The following GRIN2A variants were observed in gnomAD, a reference collection of about 807,000 sequenced individuals.
GRIN2A encodes glutamate ionotropic receptor NMDA type subunit 2A.
In GRIN2A, 22 loss-of-function variants were observed where a neutral mutation model predicts 113.4. The observed-to-expected ratio is 0.19, with a 90% CI of 0.14 to 0.28. The LOEUF is 0.28. Ranked by LOEUF, GRIN2A falls within the 10% of genes least tolerant of loss-of-function variation. GRIN2A has a pLI of 1.00. For synonymous variants in GRIN2A, 827 were observed against 738.4 expected (o/e 1.12, Z -1.94); for missense variants, 1,502 against 1,887.0 (o/e 0.80, Z 3.78).
intron 2 of GRIN2A, among the ~76,000 whole-genome samples, chr16:10,069,721 C>A (rs1307916784): frequency 6.6e-6 from 1 of 152,246 alleles, no homozygotes; most frequent in East Asian, 1.9e-4. Flanking sequence ...GAGATATGCC[C>A]AGCCCAGGCT....
chr16:10,069,064 C>G (rs1239194307), intron 2 of GRIN2A, among the ~76,000 whole-genome samples: 1 of 152,020 alleles, frequency 6.6e-6, no homozygotes, highest in African/African-American at 2.4e-5. Flanking sequence ...TAGGTTCTAG[C>G]CACCAAGATG....
rs1052146446 is a variant in GRIN2A at position 9,938,051 on chromosome 16, A to G, written c.915T>C (p.Ser305=). The change falls in exon 3 of 13, where the codon TCT becomes TCC. Residue 305 remains serine (S), a synonymous_variant. Transcript: ENST00000330684. ...GGATGTAGGAGAACTTCTCCAGCAT[A>G]GAAGATGCAGCGGTGGTTAGGATGC... ...GIGILTTAAS[S]MLEKFSYIPE... 1 of 1,614,122 alleles carries G rather than the reference A, an allele frequency of 6.2e-7. No homozygotes were observed. The highest frequency in any genetic ancestry group is 1.3e-5 in the African/African-American group (1 of 75,062).
intron 2 of GRIN2A, among the ~76,000 whole-genome samples, chr16:10,130,093 AG>A (rs1210629054): frequency 1.3e-5 from 2 of 152,216 alleles, no homozygotes; most frequent in Admixed American, 1.3e-4. Flanking sequence ...GAAAGTAAGA[AG>A]GAGAGATAGG....
chr16:10,092,564 T>C (rs530891310), intron 2 of GRIN2A, among the ~76,000 whole-genome samples: 117 of 152,352 alleles, frequency 7.7e-4, no homozygotes, highest in African/African-American at 2.5e-3. Flanking sequence ...GTAACTCTTA[T>C]AGACTCCTTA....
At chr16:9,854,808 G>A (rs2042940546) in intron 4 of GRIN2A, among the ~76,000 whole-genome samples, 1 of 152,140 alleles carries the variant, frequency 6.6e-6, no homozygotes, top group African/African-American at 2.4e-5. Context: ...CCAGGAGTAA[G>A]GTTTCAATCC....
chr16:9,840,832 A>AG lies in GRIN2A; in HGVS notation c.1498-33_1498-32insC, dbSNP rs750656059. On this transcript the variant is annotated intron_variant, in intron 6 of 12. Transcript: ENST00000330684. ...GCAAGGCAAAAAAAAAAAAAAAAAA[A>AG]AGAGAGAGAGAGAACAACAGTACTT... 49 of 1,231,908 alleles carry AG rather than the reference A, an allele frequency of 4.0e-5. No individual in the cohort carries two copies. The East Asian group carries it at 4.4e-4, about 11-fold the overall frequency. 76.3% of individuals were successfully genotyped at this position (1,231,908 alleles called of 1,614,324 possible). A position where few individuals can be genotyped will look rare whatever the true frequency, so the allele number is the denominator to read the frequency against.
At chr16:9,886,606 T>A (rs1451936104) in intron 4 of GRIN2A, among the ~76,000 whole-genome samples, 3 of 152,162 alleles carry the variant, frequency 2.0e-5, no homozygotes, top group African/African-American at 7.2e-5. Context: ...GTTTCTTGAG[T>A]ACAGAAAATA....
intron 10 of GRIN2A, among the ~76,000 whole-genome samples, chr16:9,819,970 T>C (rs1319105754): frequency 6.8e-6 from 1 of 146,536 alleles, no homozygotes; most frequent in Non-Finnish European, 1.5e-5. Context: ...CCTTCAGCTC[T>C]AGTTTCTGAG....
At chr16:9,830,638 A>G (rs1567330202) in intron 8 of GRIN2A, among the ~76,000 whole-genome samples, 1 of 152,230 alleles carries the variant, frequency 6.6e-6, no homozygotes, top group South Asian at 2.1e-4. Context: ...TGGGCAATAA[A>G]TAAAGTGGCA....
At chr16:10,080,134 G>C (rs1439477237) in intron 2 of GRIN2A, among the ~76,000 whole-genome samples, 1 of 152,154 alleles carries the variant, frequency 6.6e-6, no homozygotes, top group Non-Finnish European at 1.5e-5. Context: ...CTCCCTGCCT[G>C]GTTGCCACAA....
At chr16:9,780,060 C>T (rs538460734) in intron 11 of GRIN2A, among the ~76,000 whole-genome samples, 1 of 152,362 alleles carries the variant, frequency 6.6e-6, no homozygotes, top group Non-Finnish European at 1.5e-5. Flanking sequence ...CACACAGCCA[C>T]TGATGAAGAC....
intron 2 of GRIN2A, among the ~76,000 whole-genome samples, chr16:10,068,134 C>A (rs1344025316): frequency 1.1e-4 from 16 of 152,216 alleles, no homozygotes; most frequent in South Asian, 2.1e-4. Context: ...TCTGCTTTCC[C>A]AAAGCGTATT....
At chr16:10,019,874 T>C (rs2046683417) in intron 2 of GRIN2A, among the ~76,000 whole-genome samples, 1 of 152,254 alleles carries the variant, frequency 6.6e-6, no homozygotes, top group South Asian at 2.1e-4. Context: ...CTACAGTTAG[T>C]AATATCATAT....
intron 2 of GRIN2A, among the ~76,000 whole-genome samples, chr16:10,113,546 G>A (rs1424029869): frequency 6.6e-6 from 1 of 152,186 alleles, no homozygotes; most frequent in Non-Finnish European, 1.5e-5. Context: ...CACATTTTGG[G>A]ATCACAGTTA....
intron 2 of GRIN2A, among the ~76,000 whole-genome samples, chr16:10,074,494 C>T (rs781152541): frequency 1.3e-5 from 2 of 150,172 alleles, no homozygotes; most frequent in African/African-American, 2.5e-5. Context: ...ATCCTACAAT[C>T]AATGAAGGGA....
At chr16:10,119,610 C>G (rs540503316) in intron 2 of GRIN2A, among the ~76,000 whole-genome samples, 1 of 152,156 alleles carries the variant, frequency 6.6e-6, no homozygotes, top group East Asian at 1.9e-4. Flanking sequence ...GGTACATGTG[C>G]AGGTTATATA....
At chr16:9,992,064 T>C (rs1422138002) in intron 2 of GRIN2A, among the ~76,000 whole-genome samples, 1 of 152,180 alleles carries the variant, frequency 6.6e-6, no homozygotes, top group African/African-American at 2.4e-5. Flanking sequence ...ACTTAAAGTA[T>C]AATAATTAAA....
chr16:10,059,755 G>C (rs1194895931), intron 2 of GRIN2A, among the ~76,000 whole-genome samples: 1 of 151,786 alleles, frequency 6.6e-6, no homozygotes, highest in African/African-American at 2.4e-5. Context: ...GATTTTTAGA[G>C]GGTGGTGAGA....
At chr16:10,054,370 T>C (rs187488063) in intron 2 of GRIN2A, among the ~76,000 whole-genome samples, 2 of 152,210 alleles carry the variant, frequency 1.3e-5, no homozygotes, top group South Asian at 4.1e-4. Flanking sequence ...ATCTATCATA[T>C]AAGCAAAAAT....
Sources: gnomAD v4.1 joint callset for allele counts (sites outside exome capture counted in the v4.1 genomes callset) on GRCh38, gnomAD v4.1.1 for gene constraint, MANE v1.5 for transcripts, NCBI Gene and HGNC (gene_info 2026-07-23, HGNC 2026-07-21) for gene names.